ENPP5: variants seen among roughly 807,000 people sequenced by gnomAD.
ENPP5 encodes ectonucleotide pyrophosphatase/phosphodiesterase family member 5.
ENPP5 carries 27 observed loss-of-function variants against 33.7 expected under a neutral mutation model. The ratio of observed to expected loss-of-function variants is 0.80; its 90% confidence interval spans 0.59 to 1.11. The LOEUF (loss-of-function observed/expected upper bound fraction) is 1.11. Among genes scored for constraint, ENPP5 ranks in the 50% least tolerant of loss-of-function variants. The probability of loss-of-function intolerance (pLI) is 0.00; values close to 1 mark genes in which losing one functional copy is unlikely to be tolerated. For missense variants in ENPP5, 552 were observed against 579.2 expected (o/e 0.95, Z 0.48); for synonymous variants, 199 against 200.5 (o/e 0.99, Z 0.06).
chr6:46,168,936 T>C (rs1282038087), intron 2 of ENPP5, among the ~76,000 whole-genome samples: 2 of 152,048 alleles, frequency 1.3e-5, no homozygotes, highest in Non-Finnish European at 2.9e-5. Context: ...TGCATTCATT[T>C]ATTAATAATC....
At position 46,161,474 on chromosome 6, in the gene ENPP5, C is replaced by T. The variant is rs1261076567; in HGVS notation, c.1286G>A (p.Gly429Glu). 1.9e-6 allele frequency: 3 copies of T among 1,613,812 alleles called. No homozygotes were observed. The highest frequency in any genetic ancestry group is 8.5e-7 in the Non-Finnish European group (1 of 1,179,940). The change falls in exon 5 of 5, where the codon GGG (glycine) becomes GAG (glutamate). Residue 429 changes from glycine to glutamate, a missense_variant. Transcript: ENST00000371383. The part of the protein sequence containing the change: ...SVKPAEYDQE[G>E]SYPYFIGVSL... ...GACCCCTATGAAATAAGGGTATGACCCCTCTTGGTCATATTCTGCTGGTTT... is the reference window on the plus strand; with the variant it reads ...GACCCCTATGAAATAAGGGTATGACTCCTCTTGGTCATATTCTGCTGGTTT...
intron 4 of ENPP5, among the ~76,000 whole-genome samples, chr6:46,163,656 TAA>T (rs1002780048): frequency 6.6e-6 from 1 of 152,004 alleles, no homozygotes; most frequent in Admixed American, 6.6e-5. Context: ...ACCAACAGTG[TAA>T]AAGTGTTCCT....
intron 1 of ENPP5, 115 bp from the exon 2 acceptor site, chr6:46,170,229 C>T (rs750513717): frequency 6.6e-6 from 1 of 152,112 alleles, no homozygotes; most frequent in African/African-American, 2.4e-5. Context: ...TAATTCGGCA[C>T]ATGTGTAAGC....
chr6:46,161,258 G>T lies in ENPP5; in HGVS notation c.*68C>A. 2 of 1,395,808 alleles carry T rather than the reference G, an allele frequency of 1.4e-6. No individual in the cohort carries two copies. The highest frequency in any genetic ancestry group is 1.4e-5 in the South Asian group (1 of 72,196). 86.5% of individuals were successfully genotyped at this position (1,395,808 alleles called of 1,614,324 possible). ...GTTTGGAACTGGTTTCCCAGAATTT[G>T]AAACCTTTAAACACTGACATAATTA... On this transcript the variant is annotated 3_prime_UTR_variant, in exon 5 of 5. Coordinates refer to ENST00000371383, the MANE Select transcript of ENPP5 (RefSeq NM_001290072.2).
At chr6:46,167,034 T>G (rs1764567917) in intron 3 of ENPP5, among the ~76,000 whole-genome samples, 2 of 152,192 alleles carry the variant, frequency 1.3e-5, no homozygotes, top group Admixed American at 1.3e-4. Context: ...CACAGCTTCC[T>G]TGTTAAGCAG....
At chr6:46,166,046 A>T (rs1187796840) in intron 3 of ENPP5, among the ~76,000 whole-genome samples, 1 of 152,146 alleles carries the variant, frequency 6.6e-6, no homozygotes, top group Non-Finnish European at 1.5e-5. Flanking sequence ...AAATGCGGTT[A>T]CCCAGGCACT....
intron 4 of ENPP5, among the ~76,000 whole-genome samples, chr6:46,162,901 G>A (rs1375262963): frequency 6.6e-6 from 1 of 152,188 alleles, no homozygotes; most frequent in East Asian, 1.9e-4. Flanking sequence ...GTAATTGACT[G>A]GATGATTGCT....
rs2235883 is a variant in ENPP5, at chr6:46,160,951, G to C, written c.*375C>G. The C allele has an allele frequency of 0.45, 83,706 of 186,306 alleles. 20,541 individuals carry two copies. Among genetic ancestry groups the C allele is most frequent in the South Asian group, 0.68 (5,410 of 7,980 alleles). The allele number at this position is 186,306 out of a possible 1,614,324, so 11.5% of individuals were successfully genotyped here. A position where few individuals can be genotyped will look rare whatever the true frequency, so the allele number is the denominator to read the frequency against. ...CAATCAAGTTATAAGACATAACTGT[G>C]CATAAAGTGCATTTCAAATTAAAGT... On this transcript the variant is annotated 3_prime_UTR_variant, in exon 5 of 5. Coordinates refer to ENST00000371383, the MANE Select transcript of ENPP5 (RefSeq NM_001290072.2).
At chr6:46,167,024 C>T (rs1384843290) in intron 3 of ENPP5, among the ~76,000 whole-genome samples, 3 of 152,180 alleles carry the variant, frequency 2.0e-5, no homozygotes, top group Non-Finnish European at 2.9e-5. Flanking sequence ...TCTTATCTTC[C>T]ACAGCTTCCT....
chr6:46,169,575 T>A (rs1347197423), intron 2 of ENPP5, among the ~76,000 whole-genome samples: 1 of 152,190 alleles, frequency 6.6e-6, no homozygotes, highest in African/African-American at 2.4e-5. Flanking sequence ...GTATTTTCAG[T>A]AGAGACAGGG....
rs1387923251 is a variant in ENPP5, at chr6:46,167,535, T to C, written c.728A>G (p.Gln243Arg). 1.2e-6 allele frequency: 2 copies of C among 1,614,084 alleles called. No individual in the cohort carries two copies. The highest frequency in any genetic ancestry group is 1.7e-6 in the Non-Finnish European group (2 of 1,180,016). ...LIITSDHGMT[Q>R]CSEERLIELD... is the part of the protein sequence containing the mutation. ...TTCTATTAACCTTTCCTCAGAGCAC[T>C]GCGTCATTCCATGATCACTTGTGAT... The change falls in exon 3 of 5, where the codon CAG becomes CGG. Residue 243 changes from glutamine (Q) to arginine (R), a missense_variant. Gln to Arg is a conservative substitution (Grantham distance 43). Coordinates refer to ENST00000371383, the MANE Select transcript of ENPP5 (RefSeq NM_001290072.2).
intron 3 of ENPP5, 21 bp from the exon 4 acceptor site, chr6:46,165,584 G>T (rs1562069996): frequency 6.6e-7 from 1 of 1,518,580 alleles, no homozygotes. Context: ...GGGAGGAGAG[G>T]CACTCAGAAC....
At position 46,161,200 on chromosome 6, in the gene ENPP5, TA is replaced by T; in HGVS notation, c.*125del. 1 of 713,044 alleles carries T rather than the reference TA, an allele frequency of 1.4e-6. No homozygotes were observed. Among genetic ancestry groups the T allele is most frequent in the Non-Finnish European group, 2.3e-6 (1 of 435,180 alleles). The allele number at this position is 713,044 out of a possible 1,614,324, so 44.2% of individuals were successfully genotyped here. On this transcript the variant is annotated 3_prime_UTR_variant, in exon 5 of 5. Coordinates refer to ENST00000371383, the MANE Select transcript of ENPP5 (RefSeq NM_001290072.2). The stretch of plus-strand genomic sequence containing the variant: ...GTGTGTGTGTGTGTGTGTGTATACC[TA>T]AATATGTAACTGCTTAATGGTTTCT...
chr6:46,160,341 C>T lies in ENPP5; in HGVS notation c.*985G>A, dbSNP rs984174435. The T allele has an allele frequency of 1.3e-5, 2 of 152,002 alleles. No individual in the cohort carries two copies. Among genetic ancestry groups the T allele is most frequent in the African/African-American group, 4.8e-5 (2 of 41,354 alleles). 9.4% of individuals were successfully genotyped at this position (152,002 alleles called of 1,614,324 possible). ...TCGCAACTTTGAATCTTCAAATGCT[C>T]AAATCTAAAAGATGCTTGTGCTCTG... On this transcript the variant is annotated 3_prime_UTR_variant, in exon 5 of 5. Coordinates refer to ENST00000371383, the MANE Select transcript of ENPP5 (RefSeq NM_001290072.2).
chr6:46,165,235 T>G (rs1188605969), intron 4 of ENPP5, 152 bp downstream of exon 4: 2 of 575,700 alleles, frequency 3.5e-6, no homozygotes, highest in Non-Finnish European at 5.6e-6. Context: ...AAAAAAGCAT[T>G]TTTAGATAAG....
At chr6:46,162,678 A>G (rs770241817) in intron 4 of ENPP5, among the ~76,000 whole-genome samples, 1 of 152,190 alleles carries the variant, frequency 6.6e-6, no homozygotes, top group African/African-American at 2.4e-5. Flanking sequence ...CAGTTTTTCG[A>G]AAAGTCATAA....
chr6:46,161,370 G>C lies in ENPP5; in HGVS notation c.1390C>G (p.Gln464Glu). ...HLIHSQIPAL[Q>E]DMHAEIAQPL... ...TGAGCTATTTCAGCATGCATATCTT[G>C]TAAGGCAGGTATTTGACTGTGAATT... The change falls in exon 5 of 5, where the codon CAA (glutamine) becomes GAA (glutamate). Residue 464 changes from glutamine (Q) to glutamate (E), a missense_variant. Physicochemically the swap from Gln to Glu is conservative, Grantham distance 29. Transcript: ENST00000371383. The C allele has an allele frequency of 6.2e-7, 1 of 1,613,622 alleles. No individual in the cohort carries two copies. Among genetic ancestry groups the C allele is most frequent in the Non-Finnish European group, 8.5e-7 (1 of 1,179,710 alleles).
At position 46,168,147 on chromosome 6, in the gene ENPP5, C is replaced by A. The variant is rs34109856; in HGVS notation, c.116G>T (p.Arg39Leu). 29 of 1,613,332 alleles carry A rather than the reference C, an allele frequency of 1.8e-5. No individual in the cohort carries two copies. The highest frequency in any genetic ancestry group is 2.5e-5 in the Non-Finnish European group (29 of 1,179,524). ...KVLLVSFDGF[R>L]WDYLYKVPTP... is the part of the protein sequence containing the mutation. ...TGGAACTTTATATAAGTAATCCCAA[C>A]GGAATCCATCAAAAGAAACTAGTAG... is the stretch of plus-strand genomic sequence containing the variant. Residue 39 changes from arginine to leucine, a missense_variant, in exon 3 of 5, where the codon CGT (arginine) becomes CTT (leucine). By Grantham distance (102) the Arg-to-Leu change is moderately radical. Transcript: ENST00000371383.
At position 46,167,995 on chromosome 6, in the gene ENPP5, T is replaced by A; in HGVS notation, c.268A>T (p.Ile90Phe). Residue 90 changes from isoleucine (I) to phenylalanine (F), a missense_variant, in exon 3 of 5, where the codon ATT becomes TTT. Transcript: ENST00000371383. Reference sequence around the variant, plus strand: ...GGATCAAACATATCATTTGCAACAATCCCATGATTCTCTGCAAAGAGGCCA... The same window carrying A: ...GGATCAAACATATCATTTGCAACAAACCCATGATTCTCTGCAAAGAGGCCA... ...VTGLFAENHG[I>F]VANDMFDPIR... The A allele has an allele frequency of 6.2e-7, 1 of 1,614,154 alleles. No individual in the cohort carries two copies.
Sources: gnomAD v4.1 joint callset for allele counts (sites outside exome capture counted in the v4.1 genomes callset) on GRCh38, gnomAD v4.1.1 for gene constraint, MANE v1.5 for transcripts, NCBI Gene and HGNC (gene_info 2026-07-23, HGNC 2026-07-21) for gene names.